The following TG variants were observed in gnomAD, a reference collection of about 807,000 sequenced individuals.
The protein encoded by TG is thyroglobulin.
A neutral mutation model predicts 324.7 loss-of-function variants in TG; 270 were observed. That is an observed-to-expected ratio of 0.83 (90% CI 0.75 to 0.92). The LOEUF (loss-of-function observed/expected upper bound fraction) is 0.92, where lower values mean the gene tolerates loss of function less well. Among genes scored for constraint, TG ranks in the 40% least tolerant of loss-of-function variants. The pLI is 0.00. For missense variants in TG, 3,591 were observed against 3,456.4 expected (o/e 1.04, Z -0.98); for synonymous variants, 1,401 against 1,327.0 (o/e 1.06, Z -1.21).
At chr8:133,111,496 G>A (rs2979034) in intron 43 of TG, among the ~76,000 whole-genome samples, 33,970 of 152,158 alleles carry the variant, frequency 0.22, 4,304 homozygotes, top group South Asian at 0.31. Flanking sequence ...AAAGGACAGA[G>A]AATATAATGC....
At chr8:133,120,889 A>T (rs1433713819) in intron 45 of TG, among the ~76,000 whole-genome samples, 1 of 152,166 alleles carries the variant, frequency 6.6e-6, no homozygotes, top group African/African-American at 2.4e-5. Flanking sequence ...TCTATTTTGG[A>T]CCTTGGATTG....
chr8:132,920,740 C>T (rs1342625319), intron 21 of TG, among the ~76,000 whole-genome samples: 2 of 152,160 alleles, frequency 1.3e-5, no homozygotes, highest in Non-Finnish European at 1.5e-5. Flanking sequence ...CCAGCCAGAC[C>T]AGGTTTGATC....
rs1815739121 is a variant in TG at position 132,888,452 on chromosome 8, C to G, written c.2645C>G (p.Ser882Cys). Reference protein sequence around the residue: ...LNGQLSQYPGSYSDFSTPLAH... With the variant: ...LNGQLSQYPGCYSDFSTPLAH... ...GGCCAACTCAGCCAATACCCGGGGT[C>G]CTACTCAGACTTCAGCACTCCTTTG... is the stretch of plus-strand genomic sequence containing the variant. The change falls in exon 10 of 48, where the codon TCC becomes TGC. Residue 882 changes from serine (S) to cysteine (C), a missense_variant. By Grantham distance (112) the Ser-to-Cys change is moderately radical. Coordinates refer to ENST00000220616, the MANE Select transcript of TG (RefSeq NM_003235.5). 9 of 1,612,176 alleles carry G rather than the reference C, an allele frequency of 5.6e-6. No individual in the cohort carries two copies. The highest frequency in any genetic ancestry group is 7.6e-6 in the Non-Finnish European group (9 of 1,178,786).
At chr8:133,021,949 C>G in intron 39 of TG, 42 bp from the exon 40 acceptor site, 3 of 1,613,182 alleles carry the variant, frequency 1.9e-6, no homozygotes, top group Non-Finnish European at 2.5e-6. Flanking sequence ...GGGAAAGGTG[C>G]CCTCCCCACA....
intron 41 of TG, among the ~76,000 whole-genome samples, chr8:133,057,876 G>C (rs1398113306): frequency 6.6e-6 from 1 of 152,154 alleles, no homozygotes; most frequent in Non-Finnish European, 1.5e-5. Context: ...CAGAAAACAT[G>C]GTTGTCTAAA....
chr8:133,129,327 T>G (rs1851776957), intron 45 of TG, among the ~76,000 whole-genome samples: 1 of 152,196 alleles, frequency 6.6e-6, no homozygotes, highest in Non-Finnish European at 1.5e-5. Context: ...CAGACAGTGG[T>G]GGCCTGGAGC....
At chr8:133,129,631 G>A (rs754783817) in intron 45 of TG, among the ~76,000 whole-genome samples, 1 of 151,958 alleles carries the variant, frequency 6.6e-6, no homozygotes, top group Non-Finnish European at 1.5e-5. Flanking sequence ...CAAGTAGCTG[G>A]GACTATAGGC....
At position 132,933,487 on chromosome 8, in the gene TG, AG is replaced by A. The variant is rs564788832; in HGVS notation, c.4817-69del. On this transcript the variant is annotated intron_variant, in intron 23 of 47. Transcript: ENST00000220616. ...GTGTTTGGGCATGTGGGGCAGGGGC[AG>A]GGGGATGTGTCTGCTCTGCCCTCAG... 2.3e-4 allele frequency: 272 copies of A among 1,162,260 alleles called. 3 individuals are homozygous for A. In the South Asian group the frequency reaches 3.2e-3, roughly 14 times the overall value. 72.0% of individuals were successfully genotyped at this position (1,162,260 alleles called of 1,614,324 possible). A position where few individuals can be genotyped will look rare whatever the true frequency, so the allele number is the denominator to read the frequency against.
chr8:133,038,028 C>G (rs1250074616), intron 41 of TG: 1 of 158,342 alleles, frequency 6.3e-6, no homozygotes, highest in Admixed American at 6.1e-5. Flanking sequence ...CCAGAAGTCC[C>G]TATGGATTAG....
Position 132,901,483 on chromosome 8 carries a change from C to T in TG, c.3564C>T (p.Cys1188=). 1 of 1,614,164 alleles carries T rather than the reference C, an allele frequency of 6.2e-7. No homozygotes were observed. The highest frequency in any genetic ancestry group is 8.5e-7 in the Non-Finnish European group (1 of 1,180,050). ...AATGTGACCAGGCCCAGGGCAGCTG[C>T]TGGTGTGTCATGGACAGCGGAGAAG... is the stretch of plus-strand genomic sequence containing the variant. ...PVQCDQAQGS[C]WCVMDSGEEV... Residue 1188 remains cysteine, a synonymous_variant, in exon 16 of 48, where the codon TGC becomes TGT. Transcript: ENST00000220616.
At chr8:132,995,039 C>A in intron 35 of TG, 1 of 960,042 alleles carries the variant, frequency 1.0e-6, no homozygotes, top group Non-Finnish European at 1.2e-6. Context: ...TTTTTCCCTT[C>A]TGCTTTTGTG....
chr8:133,051,029 T>C, intron 41 of TG: 1 of 654,412 alleles, frequency 1.5e-6, no homozygotes, highest in East Asian at 2.7e-5. Context: ...AGGAAATACC[T>C]TTCTTGTTTT....
At chr8:133,098,461 T>G (rs4388441) in intron 43 of TG, among the ~76,000 whole-genome samples, 31,144 of 152,192 alleles carry the variant, frequency 0.2, 3,565 homozygotes, top group Middle Eastern at 0.27. Context: ...GGGATGGAGC[T>G]GGCCATTGAC....
chr8:132,983,735 A>T, intron 35 of TG: 1 of 440,090 alleles, frequency 2.3e-6, no homozygotes, highest in Non-Finnish European at 4.2e-6. Context: ...AGACACACAC[A>T]ATCCGGAGGC....
At chr8:132,985,571 T>A (rs548726415) in intron 35 of TG, among the ~76,000 whole-genome samples, 1 of 152,296 alleles carries the variant, frequency 6.6e-6, no homozygotes, top group Admixed American at 6.5e-5. Flanking sequence ...AAATCATTAT[T>A]ATGGCCATGT....
chr8:132,968,115 A>G, intron 31 of TG, 145 bp downstream of exon 31: 1 of 998,798 alleles, frequency 1.0e-6, no homozygotes, highest in African/African-American at 1.6e-5. Flanking sequence ...ACATGGATCC[A>G]AACTTTCACG....
At chr8:133,094,021 C>T (rs1042149722) in intron 41 of TG, among the ~76,000 whole-genome samples, 4 of 152,142 alleles carry the variant, frequency 2.6e-5, no homozygotes, top group Non-Finnish European at 5.9e-5. Context: ...CCACTGCCTC[C>T]CCTGGTTACC....
chr8:133,017,605 A>G (rs1173482079), intron 37 of TG, 173 bp from the exon 38 acceptor site: 2 of 689,148 alleles, frequency 2.9e-6, no homozygotes, highest in African/African-American at 1.8e-5. Context: ...GTTTGTTTAC[A>G]TTGAAAACCT....
chr8:132,982,603 G>A (rs912458805), intron 34 of TG, among the ~76,000 whole-genome samples: 1 of 152,212 alleles, frequency 6.6e-6, no homozygotes, highest in African/African-American at 2.4e-5. Flanking sequence ...TGCCTTCAAA[G>A]TCCAGGCTGC....
Sources: allele counts gnomAD v4.1 joint callset (sites outside exome capture counted in the v4.1 genomes callset), GRCh38; gene constraint gnomAD v4.1.1; transcripts MANE v1.5; gene names NCBI Gene and HGNC (gene_info 2026-07-23, HGNC 2026-07-21).